The following NAV2 variants were observed in gnomAD, a reference collection of about 807,000 sequenced individuals.
NAV2 encodes the protein helicase, APC down-regulated 1.
In NAV2, 54 loss-of-function variants were observed where a neutral mutation model predicts 223.2. That is an observed-to-expected ratio of 0.24 (90% confidence interval 0.19 to 0.30). The LOEUF is 0.30. Ranked by LOEUF, NAV2 falls within the 10% of genes least tolerant of loss-of-function variation. The probability of loss-of-function intolerance (pLI) is 1.00; values close to 1 mark genes in which losing one functional copy is unlikely to be tolerated. For missense variants in NAV2, 2,806 were observed against 3,147.5 expected (o/e 0.89, Z 2.60); for synonymous variants, 1,279 against 1,239.3 (o/e 1.03, Z -0.67).
At chr11:19,804,725 A>T (rs1174059589) in intron 1 of NAV2, among the ~76,000 whole-genome samples, 1 of 152,192 alleles carries the variant, frequency 6.6e-6, no homozygotes, top group Middle Eastern at 3.2e-3. Context: ...TTACAAGGGG[A>T]TATGGAGATA....
At chr11:19,931,836 G>C (rs1591299059) in intron 6 of NAV2, 1 of 152,238 alleles carries the variant, frequency 6.6e-6, no homozygotes, top group South Asian at 2.1e-4. Context: ...GTGCTTTTTG[G>C]GGGGCTGAAG....
At position 19,927,031 on chromosome 11, in the gene NAV2, TC is replaced by T. The variant is rs370658366; in HGVS notation, c.932-6143del. On this transcript the variant is annotated intron_variant, in intron 6 of 37. Coordinates refer to ENST00000349880, the MANE Select transcript of NAV2 (RefSeq NM_145117.5). The stretch of plus-strand genomic sequence containing the variant: ...ATTTTCATTTAGAAAGCATTTTGGT[TC>T]CTGTCAGGGAAGGTTAAGGCTGGTT... 2.5e-4 allele frequency among the ~76,000 whole-genome samples: 38 copies of T among 152,368 alleles called. No homozygotes were observed. In the East Asian group the frequency reaches 4.0e-3, roughly 16 times the overall value.
intron 23 of NAV2, 43 bp from the exon 24 acceptor site, chr11:20,077,950 C>A: frequency 6.7e-7 from 1 of 1,497,158 alleles, no homozygotes; most frequent in Non-Finnish European, 9.3e-7. Context: ...GAACTCTGTA[C>A]AGAATGATTT....
chr11:19,706,527 A>T (rs1007027945), intron 1 of NAV2, among the ~76,000 whole-genome samples: 24 of 152,136 alleles, frequency 1.6e-4, no homozygotes, highest in Admixed American at 1.4e-3. Flanking sequence ...TCATTCATTT[A>T]TTCCCCTGTT....
intron 1 of NAV2, among the ~76,000 whole-genome samples, chr11:19,633,992 A>G (rs980973105): frequency 6.6e-6 from 1 of 152,254 alleles, no homozygotes; most frequent in Non-Finnish European, 1.5e-5. Context: ...AGCCTAGCAC[A>G]CAGGAAATAC....
chr11:19,807,989 C>T (rs1314291882), intron 1 of NAV2, among the ~76,000 whole-genome samples: 1 of 152,162 alleles, frequency 6.6e-6, no homozygotes, highest in Non-Finnish European at 1.5e-5. Context: ...GCTGAATTAC[C>T]TTCATAGTGG....
At chr11:19,517,691 C>G (rs1565007217) in intron 1 of NAV2, among the ~76,000 whole-genome samples, 1 of 152,228 alleles carries the variant, frequency 6.6e-6, no homozygotes, top group Non-Finnish European at 1.5e-5. Flanking sequence ...CACCAAACAG[C>G]CAGAGGAGGC....
At chr11:19,683,341 C>T (rs2048929168) in intron 1 of NAV2, among the ~76,000 whole-genome samples, 1 of 152,160 alleles carries the variant, frequency 6.6e-6, no homozygotes, top group African/African-American at 2.4e-5. Context: ...CTTAGGAAGG[C>T]GGGGTCAGTG....
chr11:19,957,349 A>C (rs1296889111), intron 10 of NAV2, among the ~76,000 whole-genome samples: 1 of 152,220 alleles, frequency 6.6e-6, no homozygotes, highest in Non-Finnish European at 1.5e-5. Flanking sequence ...TAAATATCCC[A>C]GGCAAGTACA....
At chr11:19,784,028 A>C (rs2056933901) in intron 1 of NAV2, among the ~76,000 whole-genome samples, 1 of 152,180 alleles carries the variant, frequency 6.6e-6, no homozygotes, top group Non-Finnish European at 1.5e-5. Context: ...TATATTAAGA[A>C]AAATATAGCA....
chr11:19,354,292 C>A (rs1272568242), intron 1 of NAV2, among the ~76,000 whole-genome samples: 1 of 152,242 alleles, frequency 6.6e-6, no homozygotes, highest in African/African-American at 2.4e-5. Context: ...ATGTTCTATT[C>A]GTGCACTGTA....
chr11:19,615,450 C>T (rs1344207789), intron 1 of NAV2, among the ~76,000 whole-genome samples: 1 of 151,936 alleles, frequency 6.6e-6, no homozygotes, highest in Non-Finnish European at 1.5e-5. Flanking sequence ...AACAGAGTGC[C>T]TCACCACTGT....
chr11:19,640,667 A>G (rs900416189), intron 1 of NAV2, among the ~76,000 whole-genome samples: 4 of 152,182 alleles, frequency 2.6e-5, no homozygotes, highest in Non-Finnish European at 5.9e-5. Context: ...GAGAAGGATA[A>G]GGATAAAAGG....
chr11:19,984,198 C>T lies in NAV2; in HGVS notation c.2719C>T (p.Arg907Trp), dbSNP rs775581508. 38 of 1,614,006 alleles carry T rather than the reference C, an allele frequency of 2.4e-5. No homozygotes were observed. Among genetic ancestry groups the T allele is most frequent in the African/African-American group, 1.2e-4 (9 of 74,904 alleles). ...GCTCCCTGATGGGATGGCTGTGGTA[C>T]GGGAGACCCTGCAACGAAATACCTC... ...NRLPDGMAVV[R>W]ETLQRNTSLG... The change falls in exon 11 of 38, where the codon CGG (arginine) becomes TGG (tryptophan). Residue 907 changes from arginine to tryptophan, a missense_variant. Around this residue, in one of 4 missense-constraint regions of NAV2, gnomAD observed 73 missense variants for 119.7 expected, o/e 0.61. Coordinates refer to ENST00000349880, the MANE Select transcript of NAV2 (RefSeq NM_145117.5).
chr11:20,083,516 G>GAT (rs1469058543), intron 26 of NAV2, among the ~76,000 whole-genome samples: 1 of 152,156 alleles, frequency 6.6e-6, no homozygotes, highest in East Asian at 1.9e-4. Flanking sequence ...GAGATAAATG[G>GAT]ATATACAGGA....
At chr11:19,629,271 A>G (rs1257230741) in intron 1 of NAV2, among the ~76,000 whole-genome samples, 1 of 152,122 alleles carries the variant, frequency 6.6e-6, no homozygotes, top group Non-Finnish European at 1.5e-5. Context: ...ATATCATTTT[A>G]GGCAGAGCCA....
chr11:20,049,014 G>A lies in NAV2; in HGVS notation c.4189G>A (p.Asp1397Asn). 4 of 1,614,130 alleles carry A rather than the reference G, an allele frequency of 2.5e-6. No homozygotes were observed. Among genetic ancestry groups the A allele is most frequent in the Non-Finnish European group, 3.4e-6 (4 of 1,180,030 alleles). Residue 1397 changes from aspartate (D) to asparagine (N), a missense_variant, in exon 15 of 38, where the codon GAT becomes AAT. Asp to Asn is a conservative substitution (Grantham distance 23, BLOSUM62 1). Transcript: ENST00000349880. ...CAGCAGCTCCTCCGCAGTTAGCAAG[G>A]ATGGCCTGGGCTTTCAGTCTGTCAG... The part of the protein sequence containing the change: ...NASSSSAVSK[D>N]GLGFQSVSSL...
chr11:20,061,596 C>T (rs1313777739), intron 19 of NAV2, among the ~76,000 whole-genome samples: 1 of 151,328 alleles, frequency 6.6e-6, no homozygotes, highest in African/African-American at 2.4e-5. Flanking sequence ...GATGTCTCCA[C>T]TGGCTGGGGG....
At chr11:20,060,857 GGAA>G (rs1193918476) in intron 19 of NAV2, among the ~76,000 whole-genome samples, 1 of 152,236 alleles carries the variant, frequency 6.6e-6, no homozygotes, top group Non-Finnish European at 1.5e-5. Flanking sequence ...AACATATAAG[GGAA>G]GAAGGAGAGG....
Sources: allele counts gnomAD v4.1 joint callset (sites outside exome capture counted in the v4.1 genomes callset), GRCh38; gene constraint gnomAD v4.1.1; regional missense constraint gnomAD v4.1.1; transcripts MANE v1.5; gene names NCBI Gene and HGNC (gene_info 2026-07-23, HGNC 2026-07-21).